SLC6A19: variants seen among roughly 807,000 people sequenced by gnomAD.
SLC6A19 encodes sodium-dependent neutral amino acid transporter B(0)AT1.
A neutral mutation model predicts 68.3 loss-of-function variants in SLC6A19; 67 were observed. The ratio of observed to expected loss-of-function variants is 0.98; its 90% CI spans 0.81 to 1.20. SLC6A19 has a LOEUF of 1.20. Among genes scored for constraint, SLC6A19 ranks in the 50% most tolerant of loss-of-function variants. SLC6A19 has a pLI of 0.00. For synonymous variants in SLC6A19, 392 were observed against 374.9 expected (o/e 1.05, Z -0.53); for missense variants, 813 against 851.6 (o/e 0.95, Z 0.56).
At position 1,201,601 on chromosome 5, in the gene SLC6A19, C is replaced by T. The variant is rs771890584; in HGVS notation, c.-50C>T. ...CGGCTCCCGGCCCACGGCCACTCGC[C>T]CTCCAGCTTCTGCCCTGCCTGCTGT... On this transcript the variant is annotated 5_prime_UTR_variant, in exon 1 of 12. Coordinates refer to ENST00000304460, the MANE Select transcript of SLC6A19 (RefSeq NM_001003841.3). 17 of 1,575,032 alleles carry T rather than the reference C, an allele frequency of 1.1e-5. No individual in the cohort carries two copies. Among genetic ancestry groups the T allele is most frequent in the Non-Finnish European group, 1.5e-5 (17 of 1,167,106 alleles).
In SLC6A19 at chr5:1,221,822, A is replaced by G. The variant is rs745883948; in HGVS notation, c.1823A>G (p.Asn608Ser). 1 of 1,614,146 alleles carries G rather than the reference A, an allele frequency of 6.2e-7. No homozygotes were observed. The highest frequency in any genetic ancestry group is 1.1e-5 in the South Asian group (1 of 91,084). The change falls in exon 12 of 12, where the codon AAC becomes AGC. Residue 608 changes from asparagine to serine, a missense_variant. Coordinates refer to ENST00000304460, the MANE Select transcript of SLC6A19 (RefSeq NM_001003841.3). The stretch of plus-strand genomic sequence containing the variant: ...TATGCCATCTACAAGCTCATCAGGA[A>G]CCACTGCCAGAAGCCAGGGGACCAT... The part of the protein sequence containing the change: ...PGYAIYKLIR[N>S]HCQKPGDHQG...
At position 1,208,638 on chromosome 5, in the gene SLC6A19, G is replaced by A. The variant is rs1485338680; in HGVS notation, c.203-108G>A. Reference sequence around the variant, plus strand: ...ATCTCAGCTCTGTTCCCAAGTGGTGGGCCGGCCATAGGGGCTGCAAGGTTT... The same window carrying A: ...ATCTCAGCTCTGTTCCCAAGTGGTGAGCCGGCCATAGGGGCTGCAAGGTTT... On this transcript the variant is annotated intron_variant, in intron 1 of 11. Transcript: ENST00000304460. The A allele has an allele frequency of 4.7e-6, 7 of 1,486,718 alleles. No homozygotes were observed. The African/African-American group carries it at 9.7e-5, about 21-fold the overall frequency. The allele number at this position is 1,486,718 out of a possible 1,614,324, so 92.1% of individuals were successfully genotyped here. A position where few individuals can be genotyped will look rare whatever the true frequency, so the allele number is the denominator to read the frequency against.
chr5:1,202,466 C>T (rs1745735237), intron 1 of SLC6A19, among the ~76,000 whole-genome samples: 1 of 152,218 alleles, frequency 6.6e-6, no homozygotes, highest in African/African-American at 2.4e-5. Context: ...GCTGCTGGCA[C>T]AGAGGTGACA....
intron 1 of SLC6A19, among the ~76,000 whole-genome samples, chr5:1,207,730 C>T (rs79292694): frequency 1.3e-5 from 2 of 152,222 alleles, no homozygotes; most frequent in African/African-American, 4.8e-5. Context: ...ACGTGGCCCT[C>T]GGTTTAGACC....
Position 1,214,139 on chromosome 5 carries a change from G to A in SLC6A19, c.887+74G>A. On this transcript the variant is annotated intron_variant, in intron 6 of 11. Coordinates refer to ENST00000304460, the MANE Select transcript of SLC6A19 (RefSeq NM_001003841.3). This position sits in a 1 kb window ranked among gnomAD's most constrained non-coding sequence, Gnocchi z 7.4. Reference sequence around the variant, plus strand: ...ATCTTGCTGGGAGGATAAAAGACAAGGTGGAAAGCACTCTGTGGCTGTGTG... The same window carrying A: ...ATCTTGCTGGGAGGATAAAAGACAAAGTGGAAAGCACTCTGTGGCTGTGTG... 2 of 1,606,412 alleles carry A rather than the reference G, an allele frequency of 1.2e-6. No homozygotes were observed. The highest frequency in any genetic ancestry group is 1.7e-6 in the Non-Finnish European group (2 of 1,176,786).
Position 1,215,894 on chromosome 5 carries a change from T to G in SLC6A19, c.888-664T>G, listed in dbSNP as rs1344785404. ...TTCCCCGTATCCTCACCAACACTTG[T>G]TATTGTCTGACTTTTGTTTCTGGCC... On this transcript the variant is annotated intron_variant, in intron 6 of 11. Coordinates refer to ENST00000304460, the MANE Select transcript of SLC6A19 (RefSeq NM_001003841.3). This position sits in a 1 kb window ranked among gnomAD's most constrained non-coding sequence, Gnocchi z 5.1. Among the ~76,000 whole-genome samples the G allele has an allele frequency of 1.3e-5, 2 of 152,184 alleles. No homozygotes were observed. Among genetic ancestry groups the G allele is most frequent in the African/African-American group, 4.8e-5 (2 of 41,454 alleles).
chr5:1,206,998 G>C (rs556255615), intron 1 of SLC6A19, among the ~76,000 whole-genome samples: 1 of 152,152 alleles, frequency 6.6e-6, no homozygotes, highest in Non-Finnish European at 1.5e-5. Flanking sequence ...CGGCTGCAGC[G>C]TGGCCCTTCC....
At chr5:1,213,818 C>T (rs1286767335) in intron 5 of SLC6A19, 135 bp from the exon 6 acceptor site, 27 of 1,427,090 alleles carry the variant, frequency 1.9e-5, no homozygotes, top group Non-Finnish European at 2.6e-5. Context: ...GGCATAGCTG[C>T]CACCCCAGGG....
Position 1,213,496 on chromosome 5 carries a change from G to A in SLC6A19, c.697G>A (p.Val233Ile), listed in dbSNP as rs183474162. 57 of 1,605,908 alleles carry A rather than the reference G, an allele frequency of 3.5e-5. No homozygotes were observed. The Admixed American group carries it at 5.6e-4, about 16-fold the overall frequency. Residue 233 changes from valine to isoleucine, a missense_variant, in exon 5 of 12, where the codon GTC (valine) becomes ATC (isoleucine). Physicochemically the swap from Val to Ile is conservative, Grantham distance 29. Coordinates refer to ENST00000304460, the MANE Select transcript of SLC6A19 (RefSeq NM_001003841.3). ...CATCACCTCCACGCTGCCCTATGTCGTCCTGACCATCTTCCTCATCCGAGG... is the reference window on the plus strand; with the variant it reads ...CATCACCTCCACGCTGCCCTATGTCATCCTGACCATCTTCCTCATCCGAGG... ...VYITSTLPYV[V>I]LTIFLIRGLT...
chr5:1,215,480 T>C lies in SLC6A19; in HGVS notation c.888-1078T>C, dbSNP rs1405199472. Among the ~76,000 whole-genome samples, 1 of 152,194 alleles carries C rather than the reference T, an allele frequency of 6.6e-6. No homozygotes were observed. Among genetic ancestry groups the C allele is most frequent in the Non-Finnish European group, 1.5e-5 (1 of 68,024 alleles). ...CTGTGGCTGTGCCTAGTCCGGACATTTCCTGCGAATGGGGTGGCCACATTG... is the reference window on the plus strand; with the variant it reads ...CTGTGGCTGTGCCTAGTCCGGACATCTCCTGCGAATGGGGTGGCCACATTG... On this transcript the variant is annotated intron_variant, in intron 6 of 11. Coordinates refer to ENST00000304460, the MANE Select transcript of SLC6A19 (RefSeq NM_001003841.3). The surrounding 1 kb of genome is among the most constrained non-coding windows in gnomAD (Gnocchi z 5.1).
At position 1,221,292 on chromosome 5, in the gene SLC6A19, C is replaced by T. The variant is rs749045166; in HGVS notation, c.1680C>T (p.Tyr560=). 1.7e-4 allele frequency: 278 copies of T among 1,613,822 alleles called. No individual in the cohort carries two copies. The highest frequency in any genetic ancestry group is 2.3e-4 in the Non-Finnish European group (271 of 1,180,030). The change falls in exon 11 of 12, where the codon TAC becomes TAT. Residue 560 remains tyrosine, a synonymous_variant. Coordinates refer to ENST00000304460, the MANE Select transcript of SLC6A19 (RefSeq NM_001003841.3). The part of the protein sequence containing the change: ...FVVEVSQELT[Y]SIWDPGYEEF... ...TAGAGGTCAGTCAGGAGCTGACCTA[C>T]AGCATCTGGGACCCTGGCTACGTAA...
intron 1 of SLC6A19, 86 bp from the exon 2 acceptor site, chr5:1,208,660 G>T (rs763870188): frequency 5.6e-6 from 9 of 1,595,668 alleles, no homozygotes; most frequent in African/African-American, 4.0e-5. Context: ...GGGCTGCAAG[G>T]TTTGCTGTGA....
At position 1,222,311 on chromosome 5, in the gene SLC6A19, G is replaced by C. The variant is rs1579519739; in HGVS notation, c.*407G>C. The C allele has an allele frequency of 3.7e-6, 2 of 535,704 alleles. No homozygotes were observed. The highest frequency in any genetic ancestry group is 1.9e-5 in the African/African-American group (1 of 53,318). The allele number at this position is 535,704 out of a possible 1,614,324, so 33.2% of individuals were successfully genotyped here. ...ATATAGACATACATGCCTATGTTGT[G>C]TGTGGTGTGCATATGTGTGAACACA... On this transcript the variant is annotated 3_prime_UTR_variant, in exon 12 of 12. Coordinates refer to ENST00000304460, the MANE Select transcript of SLC6A19 (RefSeq NM_001003841.3).
chr5:1,219,091 C>T lies in SLC6A19; in HGVS notation c.1362C>T (p.Pro454=). The change falls in exon 9 of 12, where the codon CCC becomes CCT. Residue 454 remains proline, a synonymous_variant. Transcript: ENST00000304460. The part of the protein sequence containing the change: ...QDLRVIPPKW[P]KEVLTGLICL... The stretch of plus-strand genomic sequence containing the variant: ...TCAGAGTCATCCCCCCGAAGTGGCC[C>T]AAGGAGGTGCTCACAGGTACGTGTG... 6.2e-7 allele frequency: 1 copy of T among 1,613,368 alleles called. No homozygotes were observed. Among genetic ancestry groups the T allele is most frequent in the South Asian group, 1.1e-5 (1 of 90,926 alleles).
At chr5:1,203,645 C>T (rs1458632924) in intron 1 of SLC6A19, among the ~76,000 whole-genome samples, 1 of 152,232 alleles carries the variant, frequency 6.6e-6, no homozygotes, top group Non-Finnish European at 1.5e-5. Context: ...GCTGCGGCAT[C>T]GCAGATGGCT....
chr5:1,219,978 T>TTG (rs1172038146), intron 10 of SLC6A19, among the ~76,000 whole-genome samples: 65 of 151,608 alleles, frequency 4.3e-4, no homozygotes, highest in African/African-American at 1.0e-3. Context: ...GGGATGCTCC[T>TTG]TGTGTGTGTG....
chr5:1,224,345 G>T lies in SLC6A19; in HGVS notation c.*2441G>T, dbSNP rs924028832. 1 of 152,282 alleles carries T rather than the reference G, an allele frequency of 6.6e-6. No homozygotes were observed. The highest frequency in any genetic ancestry group is 2.4e-5 in the African/African-American group (1 of 41,478). 9.4% of individuals were successfully genotyped at this position (152,282 alleles called of 1,614,324 possible). On this transcript the variant is annotated 3_prime_UTR_variant, in exon 12 of 12. Coordinates refer to ENST00000304460, the MANE Select transcript of SLC6A19 (RefSeq NM_001003841.3). ...GAAATGCAGGCTTTATGGGCATAAA[G>T]TGTACATTTCTAAATAAATCCCTTC... is the stretch of plus-strand genomic sequence containing the variant.
intron 1 of SLC6A19, among the ~76,000 whole-genome samples, chr5:1,206,661 G>A (rs1317374143): frequency 6.6e-6 from 1 of 152,116 alleles, no homozygotes; most frequent in Non-Finnish European, 1.5e-5. Flanking sequence ...GGAGGATGAT[G>A]GGGGCTTGGC....
rs189416078 is a variant in SLC6A19 at position 1,215,664 on chromosome 5, G to T, written c.888-894G>T. Among the ~76,000 whole-genome samples, 8 of 152,330 alleles carry T rather than the reference G, an allele frequency of 5.3e-5. No homozygotes were observed. In the East Asian group the frequency reaches 1.5e-3, roughly 29 times the overall value. On this transcript the variant is annotated intron_variant, in intron 6 of 11. Transcript: ENST00000304460. This position sits in a 1 kb window ranked among gnomAD's most constrained non-coding sequence, Gnocchi z 5.1. Reference sequence around the variant, plus strand: ...ATATCCATCCATGGACATTTTCCACGTTTTGGCTGTCATGAGTCATGCTGA... The same window carrying T: ...ATATCCATCCATGGACATTTTCCACTTTTTGGCTGTCATGAGTCATGCTGA...
Sources: gnomAD v4.1 joint callset for allele counts (sites outside exome capture counted in the v4.1 genomes callset) on GRCh38, gnomAD v4.1.1 for gene constraint, Gnocchi (gnomAD v3.1) non-coding constraint, MANE v1.5 for transcripts, NCBI Gene and HGNC (gene_info 2026-07-23, HGNC 2026-07-21) for gene names.